The following GPC3 variants were observed in gnomAD, a reference collection of about 807,000 sequenced individuals.
GPC3 encodes the protein glypican-3.
GPC3 carries 3 observed loss-of-function variants against 34.4 expected under a neutral mutation model. The ratio of observed to expected loss-of-function variants is 0.09; its 90% CI spans 0.04 to 0.23. The LOEUF is 0.23. GPC3 is among the 10% of genes least tolerant of loss of function. The probability of loss-of-function intolerance (pLI) is 1.00; values close to 1 mark genes in which losing one functional copy is unlikely to be tolerated. For missense variants in GPC3, 351 were observed against 445.6 expected, an observed-to-expected ratio of 0.79 and a Z score of 1.91; for synonymous variants, 177 against 174.0, an observed-to-expected ratio of 1.02 and a Z score of -0.13.
In GPC3 at chrX:133,754,179, G is replaced by GT. The variant is rs1376280794; in HGVS notation, c.338-4dup. Reference sequence around the variant, plus strand: ...GCGAACAACAATTTCAAAGGCCTCTGTAAAAAAAAAAAAAAAAGAGACACA... The same window carrying GT: ...GCGAACAACAATTTCAAAGGCCTCTGTTAAAAAAAAAAAAAAAAGAGACACA... On this transcript the variant is annotated splice_region_variant and splice_polypyrimidine_tract_variant and intron_variant, in intron 2 of 7. Transcript: ENST00000370818. The GT allele has an allele frequency of 1.1e-6, 1 of 894,006 alleles. No individual in the cohort carries two copies. Among genetic ancestry groups the GT allele is most frequent in the African/African-American group, 2.3e-5 (1 of 44,404 alleles). The allele number at this position is 894,006 out of a possible 1,213,427, so 73.7% of individuals were successfully genotyped here. A position where few individuals can be genotyped will look rare whatever the true frequency, so the allele number is the denominator to read the frequency against.
chrX:133,562,702 T>G (rs1342333700), intron 7 of GPC3, among the ~76,000 whole-genome samples: 1 of 111,809 alleles, frequency 8.9e-6, no homozygotes, highest in Non-Finnish European at 1.9e-5. Context: ...GTTAATATAG[T>G]AAAGTAGGAC....
intron 3 of GPC3, among the ~76,000 whole-genome samples, chrX:133,733,395 T>C (rs80173043): frequency 0.018 from 1,983 of 111,160 alleles, 38 homozygotes; most frequent in African/African-American, 0.062. Context: ...CACCACTATA[T>C]ATTTCATCCA....
intron 2 of GPC3, among the ~76,000 whole-genome samples, chrX:133,768,251 T>G (rs748050092): frequency 9.0e-6 from 1 of 111,422 alleles, no homozygotes; most frequent in Admixed American, 9.5e-5. Context: ...GCGCCTAAAG[T>G]AAAGAATTCA....
intron 7 of GPC3, among the ~76,000 whole-genome samples, chrX:133,540,959 C>T (rs929641764): frequency 1.6e-4 from 17 of 105,083 alleles, no homozygotes; most frequent in East Asian, 3.0e-4. Context: ...TGTGTGTGCG[C>T]GCACTGTGGG....
chrX:133,860,107 A>T (rs73567089), intron 2 of GPC3, among the ~76,000 whole-genome samples: 4,982 of 111,423 alleles, frequency 0.045, 258 homozygotes, highest in African/African-American at 0.15. Flanking sequence ...ACCAGGCCCA[A>T]CTCTAACACG....
rs182290586 is a variant in GPC3, at chrX:133,797,316, C to G, written c.338-43140G>C. 5.8e-4 allele frequency among the ~76,000 whole-genome samples: 64 copies of G among 111,123 alleles called. No homozygotes were observed. In the East Asian group the frequency reaches 0.015, roughly 27 times the overall value. ...TTCATCTTTTTTCTATAGAACAGAA[C>G]ACAATGTCCAGTATATAGAAAGACT... On this transcript the variant is annotated intron_variant, in intron 2 of 7. Coordinates refer to ENST00000370818, the MANE Select transcript of GPC3 (RefSeq NM_004484.4).
intron 5 of GPC3, chrX:133,671,300 C>A: frequency 1.2e-6 from 1 of 835,672 alleles, no homozygotes; most frequent in Non-Finnish European, 1.8e-6. Flanking sequence ...CTCAAGAAAG[C>A]AACGAAAGGA....
chrX:133,681,941 A>G (rs2070948060), intron 5 of GPC3, among the ~76,000 whole-genome samples: 1 of 112,384 alleles, frequency 8.9e-6, no homozygotes, highest in South Asian at 3.8e-4. Context: ...CAGGACACCT[A>G]TCACACTCAG....
rs1220206257 is a variant in GPC3 at position 133,746,779 on chromosome X, A to G, written c.1032+6703T>C. 4.5e-5 allele frequency among the ~76,000 whole-genome samples: 5 copies of G among 112,107 alleles called. No homozygotes were observed. In the Admixed American group the frequency reaches 4.7e-4, roughly 11 times the overall value. On this transcript the variant is annotated intron_variant, in intron 3 of 7. Coordinates refer to ENST00000370818, the MANE Select transcript of GPC3 (RefSeq NM_004484.4). ...ACTTTCAAATCACTTGGTACTGAAA[A>G]CAGCTTGTATGAATTCAGACAAGGT...
intron 2 of GPC3, among the ~76,000 whole-genome samples, chrX:133,781,749 C>T (rs2072047023): frequency 1.8e-5 from 2 of 111,204 alleles, no homozygotes; most frequent in East Asian, 2.8e-4. Flanking sequence ...CTTTAGTCTC[C>T]ACTCCTACCC....
chrX:133,841,215 ATTTTTTTTTTTT>A (rs769696321), intron 2 of GPC3, among the ~76,000 whole-genome samples: 803 of 39,264 alleles, frequency 0.02, 26 homozygotes, highest in African/African-American at 0.053. Flanking sequence ...TAATCTTTTA[ATTTTTTTTTTTT>A]TTTTTTTTTT....
Position 133,763,812 on chromosome X carries a change from A to G in GPC3, c.338-9636T>C. 2.7e-5 allele frequency: 11 copies of G among 402,081 alleles called. No homozygotes were observed. In the South Asian group the frequency reaches 3.5e-4, roughly 13 times the overall value. The allele number at this position is 402,081 out of a possible 1,213,427, so 33.1% of individuals were successfully genotyped here. ...TGCAGAGAAAAGGGAATGCCTATGC[A>G]CTGTTGGTGGGAATGTAAATTAGTT... is the stretch of plus-strand genomic sequence containing the variant. On this transcript the variant is annotated intron_variant, in intron 2 of 7. Coordinates refer to ENST00000370818, the MANE Select transcript of GPC3 (RefSeq NM_004484.4).
chrX:133,760,150 G>A (rs1161894300), intron 2 of GPC3, among the ~76,000 whole-genome samples: 9 of 112,222 alleles, frequency 8.0e-5, no homozygotes, highest in Non-Finnish European at 1.3e-4. Context: ...ATGGCAAAGA[G>A]GCAGAGCAAC....
intron 3 of GPC3, among the ~76,000 whole-genome samples, chrX:133,722,315 T>G (rs1257054783): frequency 9.0e-6 from 1 of 111,505 alleles, no homozygotes; most frequent in East Asian, 2.8e-4. Context: ...TTGACTATCA[T>G]GGAACATTAC....
At chrX:133,800,202 C>T (rs147144393) in intron 2 of GPC3, among the ~76,000 whole-genome samples, 269 of 112,145 alleles carry the variant, frequency 2.4e-3, no homozygotes, top group African/African-American at 8.0e-3. Context: ...CGTTTGCGTC[C>T]GATAAAAATA....
chrX:133,553,098 T>A, intron 7 of GPC3, among the ~76,000 whole-genome samples: 1 of 111,811 alleles, frequency 8.9e-6, no homozygotes, highest in African/African-American at 3.2e-5. Context: ...ACGAACACTT[T>A]AATTAAGTAG....
chrX:133,762,760 G>A (rs2071807472), intron 2 of GPC3: 6 of 431,504 alleles, frequency 1.4e-5, no homozygotes, highest in Non-Finnish European at 2.5e-5. Flanking sequence ...AGCGTTTTTC[G>A]GGATTCCTGT....
chrX:133,877,643 T>G (rs914429362), intron 2 of GPC3, among the ~76,000 whole-genome samples: 3 of 112,291 alleles, frequency 2.7e-5, no homozygotes, highest in Non-Finnish European at 5.6e-5. Flanking sequence ...ATGTTAATTA[T>G]AGCATGAGCT....
chrX:133,825,312 A>G (rs1288039165), intron 2 of GPC3, among the ~76,000 whole-genome samples: 1 of 112,121 alleles, frequency 8.9e-6, no homozygotes, highest in Admixed American at 9.4e-5. Context: ...GTTCTGCAGT[A>G]GCCTTGAAAA....
Sources: gnomAD v4.1 joint callset for allele counts (sites outside exome capture counted in the v4.1 genomes callset) on GRCh38, gnomAD v4.1.1 for gene constraint, MANE v1.5 for transcripts, NCBI Gene and HGNC (gene_info 2026-07-23, HGNC 2026-07-21) for gene names.